The following ZNF880 variants were observed in gnomAD, a reference collection of about 807,000 sequenced individuals.
The protein encoded by ZNF880 is zinc finger protein 880, also known as zinc finger protein LOC400713.
In ZNF880, 12 loss-of-function variants were observed where a neutral mutation model predicts 11.8. The ratio of observed to expected loss-of-function variants is 1.02; its 90% CI spans 0.65 to 1.65. The LOEUF (loss-of-function observed/expected upper bound fraction) is 1.65. ZNF880 is among the 40% of genes most tolerant of loss of function. The pLI is 0.00. For synonymous variants in ZNF880, 210 were observed against 232.4 expected, an observed-to-expected ratio of 0.90 and a Z score of 0.88; for missense variants, 601 against 673.9, an observed-to-expected ratio of 0.89 and a Z score of 1.20.
In ZNF880 at chr19:52,385,175, A is replaced by G; in HGVS notation, c.1595A>G (p.Lys532Arg). 1 of 1,553,718 alleles carries G rather than the reference A, an allele frequency of 6.4e-7. No individual in the cohort carries two copies. ...GAATGTGGCAAGGTCTTCAGCCACA[A>G]GTTATACCTAAAAAAACATGAGAGA... Reference protein sequence around the residue: ...CNECGKVFSHKLYLKKHERIH... With the variant: ...CNECGKVFSHRLYLKKHERIH... Residue 532 changes from lysine to arginine, a missense_variant, in exon 4 of 4, where the codon AAG becomes AGG. Transcript: ENST00000422689.
chr19:52,392,777 G>A, the ZNF880 span: 117 of 224,898 alleles, frequency 5.2e-4, no homozygotes, highest in Non-Finnish European at 9.9e-4. Context: ...TGGATCAAAG[G>A]TGTGAACACA....
At chr19:52,392,383 C>T in the ZNF880 span, among the ~76,000 whole-genome samples, 1 of 152,142 alleles carries the variant, frequency 6.6e-6, no homozygotes, top group Admixed American at 6.5e-5. Context: ...TCATTGCAAC[C>T]GCCACCTCCC....
chr19:52,396,153 A>G, the ZNF880 span, among the ~76,000 whole-genome samples: 6 of 114,882 alleles, frequency 5.2e-5, no homozygotes, highest in South Asian at 1.3e-3. Context: ...TATTTTTAGT[A>G]GAGACTTCGT....
chr19:52,395,453 C>T, the ZNF880 span: 2 of 152,142 alleles, frequency 1.3e-5, no homozygotes, highest in Admixed American at 6.5e-5. Context: ...ACAAAATGTA[C>T]GAAAATAGTT....
chr19:52,388,282 C>CTTTTTCTTTTTTTTT (rs1986945771), downstream of ZNF880, among the ~76,000 whole-genome samples: 1 of 63,424 alleles, frequency 1.6e-5, no homozygotes, highest in African/African-American at 8.8e-5. Context: ...GCAATTTGAA[C>CTTTTTCTTTTTTTTT]TTTTTTTTTT....
chr19:52,389,977 T>C (rs2058701656), downstream of ZNF880: 2 of 152,258 alleles, frequency 1.3e-5, no homozygotes, highest in African/African-American at 4.8e-5. Context: ...AGTTCAAAAT[T>C]TGCTTCCACA....
Position 52,374,339 on chromosome 19 carries a change from G to C in ZNF880, c.180G>C (p.Glu60Asp), listed in dbSNP as rs770190506. The change falls in exon 3 of 4, where the codon GAG becomes GAC. Residue 60 changes from glutamate (E) to aspartate (D), a missense_variant. Physicochemically the swap from Glu to Asp is conservative, Grantham distance 45. This residue lies in a region of ZNF880 where 420 missense variants were observed against 442.6 expected (regional missense o/e 0.95). Transcript: ENST00000422689. ...ACCTGAGTGTTATCTCCATGTTGGA[G>C]CAAAGGAGAGATCCCCGGAATCTGC... is the stretch of plus-strand genomic sequence containing the variant. The part of the protein sequence containing the change: ...LPDLSVISML[E>D]QRRDPRNLQS... The C allele has an allele frequency of 6.2e-7, 1 of 1,613,610 alleles. No individual in the cohort carries two copies. Among genetic ancestry groups the C allele is most frequent in the Non-Finnish European group, 8.5e-7 (1 of 1,179,850 alleles).
At chr19:52,376,442 G>C (rs115390267) in intron 3 of ZNF880, among the ~76,000 whole-genome samples, 3,167 of 141,578 alleles carry the variant, frequency 0.022, 123 homozygotes, top group African/African-American at 0.079. Context: ...TCATATGTTT[G>C]TTGGCCATTT....
At chr19:52,386,434 G>A (rs7260085), downstream of ZNF880, among the ~76,000 whole-genome samples, 65,519 of 141,714 alleles carry the variant, frequency 0.46, 19,550 homozygotes, top group Middle Eastern at 0.58. Context: ...GAGCATATCT[G>A]TAGAAATCAT....
chr19:52,390,522 A>G (rs1055469354), downstream of ZNF880: 6 of 189,394 alleles, frequency 3.2e-5, no homozygotes, highest in Admixed American at 6.2e-5. Context: ...CCCAAATTCC[A>G]TCCCACAGGA....
chr19:52,368,008 G>A (rs949303639), upstream of ZNF880, among the ~76,000 whole-genome samples: 1 of 151,722 alleles, frequency 6.6e-6, no homozygotes, highest in Non-Finnish European at 1.5e-5. Flanking sequence ...AGGCCATCCT[G>A]GTCAACATGG....
At chr19:52,369,311 G>A (rs1479381372), upstream of ZNF880, among the ~76,000 whole-genome samples, 1 of 143,684 alleles carries the variant, frequency 7.0e-6, no homozygotes, top group East Asian at 2.1e-4. Context: ...GCAGTGAGCC[G>A]AGATCGCGCC....
At chr19:52,395,986 C>G in the ZNF880 span, among the ~76,000 whole-genome samples, 521 of 152,266 alleles carry the variant, frequency 3.4e-3, 2 homozygotes, top group Non-Finnish European at 4.5e-3. Context: ...GACGGAGTCT[C>G]GCTCTGTCTC....
chr19:52,368,433 T>TA (rs1200701583), upstream of ZNF880, among the ~76,000 whole-genome samples: 1 of 152,132 alleles, frequency 6.6e-6, no homozygotes, highest in Non-Finnish European at 1.5e-5. Context: ...GAAGTCCCCC[T>TA]AAGGTTTGGC....
downstream of ZNF880, chr19:52,390,711 A>G (rs2058704492): frequency 6.5e-6 from 1 of 153,376 alleles, no homozygotes; most frequent in Non-Finnish European, 1.5e-5. Context: ...AGGCGGGCAG[A>G]TCACCTGAGG....
intron 3 of ZNF880, among the ~76,000 whole-genome samples, chr19:52,375,912 A>G (rs750025758): frequency 5.3e-5 from 8 of 152,170 alleles, no homozygotes; most frequent in Non-Finnish European, 8.8e-5. Flanking sequence ...GGCCTCAACT[A>G]TTCTTCCCAC....
chr19:52,376,815 C>T (rs1178626294), intron 3 of ZNF880, among the ~76,000 whole-genome samples: 1 of 151,958 alleles, frequency 6.6e-6, no homozygotes, highest in Non-Finnish European at 1.5e-5. Context: ...CGGCCCTTAG[C>T]CCACTTTTTG....
chr19:52,379,151 GTCT>G (rs1262671914), intron 3 of ZNF880, among the ~76,000 whole-genome samples: 4 of 152,122 alleles, frequency 2.6e-5, no homozygotes, highest in African/African-American at 7.2e-5. Flanking sequence ...GGTACTCTTT[GTCT>G]TCTTTGTTTT....
Position 52,384,774 on chromosome 19 carries a change from T to A in ZNF880, c.1194T>A (p.His398Gln). The A allele has an allele frequency of 6.2e-7, 1 of 1,611,062 alleles. No individual in the cohort carries two copies. Among genetic ancestry groups the A allele is most frequent in the Non-Finnish European group, 8.5e-7 (1 of 1,178,352 alleles). Residue 398 changes from histidine to glutamine, a missense_variant, in exon 4 of 4, where the codon CAT becomes CAA. By Grantham distance (24) the His-to-Gln change is conservative. This residue lies in a region of ZNF880 where 177 missense variants were observed against 214.5 expected (regional missense o/e 0.83). Coordinates refer to ENST00000422689, the MANE Select transcript of ZNF880 (RefSeq NM_001145434.2). ...GGCACAAGTTTTGTCTAACCAATCA[T>A]CATAGAATGCACACGGGAGAGCAAC... ...VFRHKFCLTN[H>Q]HRMHTGEQPY...
Sources: allele counts gnomAD v4.1 joint callset (sites outside exome capture counted in the v4.1 genomes callset), GRCh38; gene constraint gnomAD v4.1.1; regional missense constraint gnomAD v4.1.1; transcripts MANE v1.5; gene names NCBI Gene and HGNC (gene_info 2026-07-23, HGNC 2026-07-21).